Variants in LRMDA observed in about 807,000 individuals in gnomAD.
LRMDA encodes leucine rich melanocyte differentiation associated.
In LRMDA, 18 loss-of-function variants were observed where a neutral mutation model predicts 29.8. The observed-to-expected ratio is 0.60, with a 90% CI of 0.42 to 0.90. The LOEUF (loss-of-function observed/expected upper bound fraction) is 0.90. Among genes scored for constraint, LRMDA ranks in the 40% least tolerant of loss-of-function variants. The probability of loss-of-function intolerance (pLI) is 0.00; values close to 1 mark genes in which losing one functional copy is unlikely to be tolerated. For missense variants in LRMDA, 273 were observed against 273.9 expected (o/e 1.00, Z 0.02); for synonymous variants, 125 against 109.4 (o/e 1.14, Z -0.89).
At chr10:75,443,067 C>T (rs1315650937) in intron 2 of LRMDA, among the ~76,000 whole-genome samples, 1 of 151,990 alleles carries the variant, frequency 6.6e-6, no homozygotes, top group African/African-American at 2.4e-5. Context: ...TTGTATCCTG[C>T]AACTTTACTG....
chr10:75,507,714 CTG>C (rs1845184784), intron 2 of LRMDA, among the ~76,000 whole-genome samples: 1 of 152,196 alleles, frequency 6.6e-6, no homozygotes. Flanking sequence ...CAGAATAGCT[CTG>C]TAACTTCCAA....
At chr10:75,470,946 C>A (rs144528790) in intron 2 of LRMDA, among the ~76,000 whole-genome samples, 189 of 152,276 alleles carry the variant, frequency 1.2e-3, no homozygotes, top group South Asian at 3.3e-3. Flanking sequence ...CTGTTGAATC[C>A]GCAGCCCTGG....
At chr10:76,053,145 C>T (rs1462832381) in intron 4 of LRMDA, among the ~76,000 whole-genome samples, 2 of 152,146 alleles carry the variant, frequency 1.3e-5, no homozygotes, top group African/African-American at 4.8e-5. Context: ...TACTTACCTG[C>T]AAACCCTATT....
chr10:75,683,675 A>AG (rs35921234), intron 2 of LRMDA, among the ~76,000 whole-genome samples: 1 of 152,228 alleles, frequency 6.6e-6, no homozygotes. Flanking sequence ...AAGCTGGCCA[A>AG]GGCAAGCCTT....
intron 6 of LRMDA, among the ~76,000 whole-genome samples, chr10:76,429,057 C>G (rs1222186739): frequency 6.6e-6 from 1 of 151,904 alleles, no homozygotes; most frequent in African/African-American, 2.4e-5. Context: ...CACACACACA[C>G]ATTCCCCACA....
chr10:75,973,689 G>A (rs1847021113), intron 2 of LRMDA, among the ~76,000 whole-genome samples: 1 of 152,132 alleles, frequency 6.6e-6, no homozygotes, highest in Non-Finnish European at 1.5e-5. Flanking sequence ...CAAAGTGCTG[G>A]GATTACAGGT....
At chr10:76,266,240 C>T in intron 5 of LRMDA, among the ~76,000 whole-genome samples, 1 of 151,806 alleles carries the variant, frequency 6.6e-6, no homozygotes. Context: ...TAATAATCAT[C>T]TTTTTTTGTA....
chr10:76,283,380 A>T (rs1029978401), intron 5 of LRMDA, among the ~76,000 whole-genome samples: 16 of 152,110 alleles, frequency 1.1e-4, no homozygotes, highest in African/African-American at 3.4e-4. Flanking sequence ...GGAAAGGGAG[A>T]TAGAGTTCTT....
intron 5 of LRMDA, among the ~76,000 whole-genome samples, chr10:76,104,987 T>C (rs1450874669): frequency 6.6e-6 from 1 of 152,188 alleles, no homozygotes; most frequent in Admixed American, 6.5e-5. Context: ...GCAAGTGTCT[T>C]CTCTCAGATA....
At chr10:75,589,352 A>G (rs1840693453) in intron 2 of LRMDA, among the ~76,000 whole-genome samples, 1 of 152,186 alleles carries the variant, frequency 6.6e-6, no homozygotes, top group Admixed American at 6.5e-5. Flanking sequence ...CTTATTATGA[A>G]TGAGATTAAG....
At chr10:75,995,440 G>A (rs1847445378) in intron 2 of LRMDA, among the ~76,000 whole-genome samples, 1 of 152,164 alleles carries the variant, frequency 6.6e-6, no homozygotes, top group South Asian at 2.1e-4. Context: ...AACTGGCTTG[G>A]TTGCAACTGG....
At chr10:76,173,941 C>G (rs978703806) in intron 5 of LRMDA, among the ~76,000 whole-genome samples, 2 of 152,052 alleles carry the variant, frequency 1.3e-5, no homozygotes, top group East Asian at 1.9e-4. Context: ...ATTACAGGTG[C>G]GAGCCACTGC....
intron 2 of LRMDA, among the ~76,000 whole-genome samples, chr10:75,929,886 T>C (rs72811493): frequency 0.021 from 3,178 of 152,284 alleles, 58 homozygotes; most frequent in Middle Eastern, 0.041. Context: ...TGTGACAGAG[T>C]TGGGAGCCTA....
chr10:76,332,017 C>G (rs147830842), intron 6 of LRMDA, among the ~76,000 whole-genome samples: 93 of 152,302 alleles, frequency 6.1e-4, no homozygotes, highest in Middle Eastern at 6.8e-3. Flanking sequence ...TCCTTTGATT[C>G]TAGACCTTGC....
chr10:76,224,156 A>C (rs189690304), intron 5 of LRMDA, among the ~76,000 whole-genome samples: 157 of 152,214 alleles, frequency 1.0e-3, no homozygotes, highest in African/African-American at 3.6e-3. Context: ...TTCTATATGA[A>C]CACATATATC....
intron 2 of LRMDA, among the ~76,000 whole-genome samples, chr10:75,846,315 A>G (rs1398588541): frequency 6.6e-6 from 1 of 152,108 alleles, no homozygotes; most frequent in Non-Finnish European, 1.5e-5. Flanking sequence ...AAGGGAAAGA[A>G]GGACTTGTTA....
At chr10:76,342,681 A>G (rs968209555) in intron 6 of LRMDA, among the ~76,000 whole-genome samples, 1 of 152,154 alleles carries the variant, frequency 6.6e-6, no homozygotes, top group Non-Finnish European at 1.5e-5. Context: ...TAGAAACAAG[A>G]GAAAACTAAA....
At chr10:75,651,371 A>C (rs1841597697) in intron 2 of LRMDA, among the ~76,000 whole-genome samples, 2 of 152,132 alleles carry the variant, frequency 1.3e-5, no homozygotes, top group African/African-American at 2.4e-5. Context: ...CTCAGCCCTG[A>C]AGACTGTGCA....
chr10:76,011,606 T>A (rs1230942633), intron 2 of LRMDA, among the ~76,000 whole-genome samples: 1 of 152,198 alleles, frequency 6.6e-6, no homozygotes, highest in Non-Finnish European at 1.5e-5. Context: ...TGTGCAAGTC[T>A]TAAGTGCTCA....
Sources: allele counts gnomAD v4.1 joint callset (sites outside exome capture counted in the v4.1 genomes callset), GRCh38; gene constraint gnomAD v4.1.1; transcripts MANE v1.5; gene names NCBI Gene and HGNC (gene_info 2026-07-23, HGNC 2026-07-21).